BTBD8: variants seen among roughly 807,000 people sequenced by gnomAD.
The protein encoded by BTBD8 is BTB/POZ domain-containing protein 8.
A neutral mutation model predicts 162.9 loss-of-function variants in BTBD8; 110 were observed. The observed-to-expected ratio is 0.68, with a 90% confidence interval of 0.58 to 0.79. The LOEUF (loss-of-function observed/expected upper bound fraction) is 0.79, where lower values mean the gene tolerates loss of function less well. Among genes scored for constraint, BTBD8 ranks in the 30% least tolerant of loss-of-function variants. The probability of loss-of-function intolerance (pLI) is 0.00; values close to 1 mark genes in which losing one functional copy is unlikely to be tolerated. For synonymous variants in BTBD8, 667 were observed against 716.1 expected (o/e 0.93, Z 1.10); for missense variants, 1,905 against 2,085.4 (o/e 0.91, Z 1.68).
chr1:92,106,974 T>G (rs1304549709), intron 3 of BTBD8, among the ~76,000 whole-genome samples: 2 of 151,790 alleles, frequency 1.3e-5, no homozygotes, highest in Non-Finnish European at 2.9e-5. Flanking sequence ...CTTGTGAGGC[T>G]AGGGTGGGAG....
intron 13 of BTBD8, among the ~76,000 whole-genome samples, chr1:92,174,279 C>T (rs1650639269): frequency 6.6e-6 from 1 of 152,074 alleles, no homozygotes; most frequent in Admixed American, 6.6e-5. Context: ...CAGCCCTGAC[C>T]TTCTGGGCTC....
chr1:92,094,844 T>TA (rs1323128934), intron 2 of BTBD8, among the ~76,000 whole-genome samples: 1 of 152,140 alleles, frequency 6.6e-6, no homozygotes, highest in East Asian at 1.9e-4. Context: ...AGCTGGGAGA[T>TA]ACCAGGATAA....
At position 92,102,468 on chromosome 1, in the gene BTBD8, T is replaced by G; in HGVS notation, c.348-5T>G. On this transcript the variant is annotated splice_polypyrimidine_tract_variant and splice_region_variant and intron_variant, in intron 2 of 17. Transcript: ENST00000636805. Reference sequence around the variant, plus strand: ...TTTATTAATATTTTATATTTTGTCTTTTAGGATTATATATTCATCAAACAG... The same window carrying G: ...TTTATTAATATTTTATATTTTGTCTGTTAGGATTATATATTCATCAAACAG... The G allele has an allele frequency of 7.0e-7, 1 of 1,431,482 alleles. No individual in the cohort carries two copies. Among genetic ancestry groups the G allele is most frequent in the South Asian group, 1.5e-5 (1 of 65,076 alleles). The allele number at this position is 1,431,482 out of a possible 1,614,324, so 88.7% of individuals were successfully genotyped here. A position where few individuals can be genotyped will look rare whatever the true frequency, so the allele number is the denominator to read the frequency against.
chr1:92,118,603 C>A (rs952415329), intron 4 of BTBD8, among the ~76,000 whole-genome samples: 1 of 151,702 alleles, frequency 6.6e-6, no homozygotes, highest in Non-Finnish European at 1.5e-5. Context: ...TGTGTGTAGC[C>A]CATATTTAAG....
At chr1:92,168,072 C>A in intron 11 of BTBD8, 87 bp downstream of exon 11, 1 of 1,245,048 alleles carries the variant, frequency 8.0e-7, no homozygotes, top group Non-Finnish European at 1.1e-6. Flanking sequence ...GTTGCAGGGT[C>A]ATTGAAGCTA....
intron 7 of BTBD8, among the ~76,000 whole-genome samples, chr1:92,143,856 A>T (rs1472369239): frequency 6.6e-6 from 1 of 151,506 alleles, no homozygotes; most frequent in Non-Finnish European, 1.5e-5. Context: ...CAGATATTTG[A>T]GAGAACAATT....
Position 92,182,488 on chromosome 1 carries a change from C to G in BTBD8, c.4805C>G (p.Ser1602Cys), listed in dbSNP as rs754549308. 6.4e-7 allele frequency: 1 copy of G among 1,551,316 alleles called. No individual in the cohort carries two copies. ...EPNSDIPKNSSTKSLDSFRSQ... is the reference protein window; with the variant it reads ...EPNSDIPKNSCTKSLDSFRSQ... ...AATTCTGACATACCAAAGAACAGCT[C>G]TACAAAATCTCTAGACTCCTTTCGG... Residue 1602 changes from serine (S) to cysteine (C), a missense_variant, in exon 17 of 18, where the codon TCT (serine) becomes TGT (cysteine). Around this residue, in one of 3 missense-constraint regions of BTBD8, gnomAD observed 517 missense variants for 606.6 expected, o/e 0.85. Transcript: ENST00000636805.
At chr1:92,127,412 G>T (rs1649388991) in intron 4 of BTBD8, among the ~76,000 whole-genome samples, 1 of 152,148 alleles carries the variant, frequency 6.6e-6, no homozygotes, top group Non-Finnish European at 1.5e-5. Context: ...GATTGAATTT[G>T]CTACAACTAG....
rs1276915732 is a variant in BTBD8, at chr1:92,080,446, C to A, written c.-126C>A. 6 of 1,414,450 alleles carry A rather than the reference C, an allele frequency of 4.2e-6. 1 individual carries two copies. The East Asian group carries it at 1.0e-4, about 24-fold the overall frequency. 87.6% of individuals were successfully genotyped at this position (1,414,450 alleles called of 1,614,324 possible). On this transcript the variant is annotated 5_prime_UTR_variant, in exon 1 of 18. Transcript: ENST00000636805. ...CTACAAACCGACGAGAGGCGTCAAC[C>A]TTTTACCCTAGGGGGCGGATTTGGG...
At chr1:92,139,703 A>G (rs941274058) in intron 6 of BTBD8, 3 of 462,658 alleles carry the variant, frequency 6.5e-6, no homozygotes, top group African/African-American at 2.1e-5. Context: ...AGATCAATAA[A>G]TTGATTAAAC....
chr1:92,093,482 G>A (rs1029615033), intron 2 of BTBD8, among the ~76,000 whole-genome samples: 4 of 152,092 alleles, frequency 2.6e-5, no homozygotes, highest in East Asian at 1.9e-4. Context: ...GTGAGCCACC[G>A]CACCCAGCCG....
At chr1:92,116,693 C>G (rs1445754126) in intron 4 of BTBD8, among the ~76,000 whole-genome samples, 3 of 151,896 alleles carry the variant, frequency 2.0e-5, no homozygotes, top group Non-Finnish European at 2.9e-5. Context: ...CCTTTAACTT[C>G]TAAACTTTGT....
intron 9 of BTBD8, among the ~76,000 whole-genome samples, chr1:92,159,411 A>C (rs1650236436): frequency 6.6e-6 from 1 of 151,948 alleles, no homozygotes; most frequent in Non-Finnish European, 1.5e-5. Context: ...TCCTGAGCTC[A>C]AGTGATCTTC....
intron 9 of BTBD8, among the ~76,000 whole-genome samples, chr1:92,150,260 A>G (rs767664914): frequency 1.3e-5 from 2 of 152,164 alleles, no homozygotes; most frequent in Non-Finnish European, 2.9e-5. Context: ...GTAGAGACCC[A>G]AGACACTTCT....
intron 1 of BTBD8, among the ~76,000 whole-genome samples, chr1:92,084,981 C>T (rs1188648223): frequency 6.6e-6 from 1 of 152,192 alleles, no homozygotes; most frequent in Non-Finnish European, 1.5e-5. Flanking sequence ...AGTTCCCTAA[C>T]CAGCTCTTAC....
At chr1:92,112,174 C>T (rs1327637307) in intron 4 of BTBD8, among the ~76,000 whole-genome samples, 2 of 152,086 alleles carry the variant, frequency 1.3e-5, no homozygotes, top group African/African-American at 4.8e-5. Flanking sequence ...CTCTGGGAGG[C>T]TGAGACGAGA....
At chr1:92,083,761 G>A (rs1648085620) in intron 1 of BTBD8, among the ~76,000 whole-genome samples, 1 of 152,182 alleles carries the variant, frequency 6.6e-6, no homozygotes. Context: ...CCAGCTGGGA[G>A]ATTTTATAGT....
intron 12 of BTBD8, among the ~76,000 whole-genome samples, chr1:92,170,625 A>T (rs572623423): frequency 6.6e-6 from 1 of 152,140 alleles, no homozygotes; most frequent in African/African-American, 2.4e-5. Context: ...TGATTTAATA[A>T]AAATCAAATA....
chr1:92,184,427 T>A lies in BTBD8; in HGVS notation c.*97T>A, dbSNP rs1053932924. On this transcript the variant is annotated 3_prime_UTR_variant, in exon 18 of 18. Transcript: ENST00000636805. ...TGCATTAGCCGGATATAAACTTTCT[T>A]TAATATTGAGTCTTTCCAATTTAAT... 7.0e-5 allele frequency: 51 copies of A among 730,988 alleles called. No individual in the cohort carries two copies. The highest frequency in any genetic ancestry group is 4.2e-5 in the Non-Finnish European group (19 of 457,822). The allele number at this position is 730,988 out of a possible 1,614,324, so 45.3% of individuals were successfully genotyped here. A position where few individuals can be genotyped will look rare whatever the true frequency, so the allele number is the denominator to read the frequency against.
Sources: gnomAD v4.1 joint callset for allele counts (sites outside exome capture counted in the v4.1 genomes callset) on GRCh38, gnomAD v4.1.1 for gene constraint, gnomAD v4.1.1 regional missense constraint, MANE v1.5 for transcripts, NCBI Gene and HGNC (gene_info 2026-07-23, HGNC 2026-07-21) for gene names.